CTIF: variants seen among roughly 807,000 people sequenced by gnomAD.
CTIF encodes CBP80/20-dependent translation initiation factor.
A neutral mutation model predicts 66.0 loss-of-function variants in CTIF; 21 were observed. That is an observed-to-expected ratio of 0.32 (90% CI 0.23 to 0.46). CTIF has a LOEUF of 0.46. CTIF is among the 20% of genes least tolerant of loss of function. CTIF has a pLI of 1.00. For missense variants in CTIF, 739 were observed against 812.7 expected, an observed-to-expected ratio of 0.91 and a Z score of 1.10; for synonymous variants, 345 against 326.4, an observed-to-expected ratio of 1.06 and a Z score of -0.62.
chr18:48,616,325 G>A (rs1214726998), intron 1 of CTIF, among the ~76,000 whole-genome samples: 1 of 152,210 alleles, frequency 6.6e-6, no homozygotes, highest in East Asian at 1.9e-4. Context: ...AGCTTCCCGG[G>A]GCCAGGCACG....
intron 2 of CTIF, among the ~76,000 whole-genome samples, chr18:48,635,830 G>A (rs2090811683): frequency 6.6e-6 from 1 of 152,176 alleles, no homozygotes; most frequent in Non-Finnish European, 1.5e-5. Flanking sequence ...CAGCCTCCCA[G>A]CCAGTCACCC....
At chr18:48,617,573 GGA>G (rs2090421566) in intron 1 of CTIF, among the ~76,000 whole-genome samples, 1 of 152,164 alleles carries the variant, frequency 6.6e-6, no homozygotes, top group South Asian at 2.1e-4. Context: ...CTGTGGAGCA[GGA>G]GGAGTAAGGT....
chr18:48,598,730 G>T (rs1455048696), intron 1 of CTIF, among the ~76,000 whole-genome samples: 1 of 152,202 alleles, frequency 6.6e-6, no homozygotes, highest in African/African-American at 2.4e-5. Context: ...GGGCAAGAAT[G>T]AGCATGATAG....
At chr18:48,551,085 G>A (rs990935360) in intron 1 of CTIF, among the ~76,000 whole-genome samples, 1 of 150,278 alleles carries the variant, frequency 6.7e-6, no homozygotes, top group East Asian at 1.9e-4. Flanking sequence ...CTTTAAAGAG[G>A]TAATTAAGGT....
intron 1 of CTIF, among the ~76,000 whole-genome samples, chr18:48,617,986 G>T (rs888478168): frequency 2.0e-5 from 3 of 152,230 alleles, no homozygotes; most frequent in African/African-American, 7.2e-5. Flanking sequence ...GGAAAGCAGA[G>T]GAAGATGTGT....
intron 9 of CTIF, among the ~76,000 whole-genome samples, chr18:48,772,536 T>C (rs1430219984): frequency 8.2e-6 from 1 of 122,162 alleles, no homozygotes; most frequent in Admixed American, 8.6e-5. Flanking sequence ...CTCCCCTCCA[T>C]CTTCCATCTC....
chr18:48,821,049 A>G (rs2068473469), intron 10 of CTIF, among the ~76,000 whole-genome samples: 1 of 152,042 alleles, frequency 6.6e-6, no homozygotes, highest in South Asian at 2.1e-4. Flanking sequence ...CAAATTAACC[A>G]TTCTTTAAGT....
intron 6 of CTIF, among the ~76,000 whole-genome samples, chr18:48,705,457 A>T (rs2092139769): frequency 6.6e-6 from 1 of 152,216 alleles, no homozygotes; most frequent in Admixed American, 6.5e-5. Flanking sequence ...GACTTACTTC[A>T]TCATAACTTG....
At position 48,730,863 on chromosome 18, in the gene CTIF, C is replaced by A. The variant is rs541578722; in HGVS notation, c.584+19168C>A. On this transcript the variant is annotated intron_variant, in intron 7 of 11. Transcript: ENST00000256413. ...TGAGGGACCCCCGCAGCATGAGGGG[C>A]CTCCCGCAGTGTGAGGGGCTTCCAC... Among the ~76,000 whole-genome samples the A allele has an allele frequency of 7.4e-4, 105 of 141,536 alleles. 1 individual carries two copies. The highest frequency in any genetic ancestry group is 2.7e-3 in the African/African-American group (102 of 37,398). 92.9% of individuals were successfully genotyped at this position (141,536 alleles called of 152,430 possible).
chr18:48,843,134 C>G (rs572453411), intron 10 of CTIF, among the ~76,000 whole-genome samples: 1 of 151,758 alleles, frequency 6.6e-6, no homozygotes, highest in East Asian at 1.9e-4. Context: ...CCAAACTATC[C>G]CCTGTCTCAA....
chr18:48,606,744 A>G (rs1335018739), intron 1 of CTIF, among the ~76,000 whole-genome samples: 1 of 152,166 alleles, frequency 6.6e-6, no homozygotes, highest in African/African-American at 2.4e-5. Context: ...CAGAGTATCC[A>G]TGTCTTGGAG....
chr18:48,795,751 G>T (rs1207370707), intron 9 of CTIF, among the ~76,000 whole-genome samples: 1 of 152,128 alleles, frequency 6.6e-6, no homozygotes, highest in Non-Finnish European at 1.5e-5. Flanking sequence ...ATTCTGTGTT[G>T]GGAAGAATTT....
chr18:48,592,241 TAC>T, intron 1 of CTIF, among the ~76,000 whole-genome samples: 1 of 62,700 alleles, frequency 1.6e-5, no homozygotes, highest in Middle Eastern at 7.0e-3. Context: ...GGCTCACACC[TAC>T]CTGTAATCCC....
intron 9 of CTIF, among the ~76,000 whole-genome samples, chr18:48,798,836 T>A (rs1267414435): frequency 6.6e-6 from 1 of 152,180 alleles, no homozygotes; most frequent in African/African-American, 2.4e-5. Flanking sequence ...ATCTGGAGCT[T>A]TCACAACTGG....
In CTIF at chr18:48,733,264, G is replaced by C. The variant is rs186134955; in HGVS notation, c.584+21569G>C. ...AGGGAAGTGGGAAACTGTGTGGGAG[G>C]GGGTGGGTGCTCAGAGTGGAAGTGA... On this transcript the variant is annotated intron_variant, in intron 7 of 11. Transcript: ENST00000256413. Among the ~76,000 whole-genome samples, 138 of 152,254 alleles carry C rather than the reference G, an allele frequency of 9.1e-4. No homozygotes were observed. The East Asian group carries it at 0.01, about 11-fold the overall frequency.
intron 6 of CTIF, among the ~76,000 whole-genome samples, chr18:48,708,998 C>A (rs2092193537): frequency 6.6e-6 from 1 of 152,092 alleles, no homozygotes. Flanking sequence ...ATGATGATGG[C>A]ATCGATGACA....
chr18:48,630,826 C>A (rs1170144374), intron 2 of CTIF, among the ~76,000 whole-genome samples: 4 of 152,098 alleles, frequency 2.6e-5, no homozygotes, highest in Admixed American at 6.6e-5. Context: ...CAGGTGCCTG[C>A]AACCACGCCT....
intron 1 of CTIF, among the ~76,000 whole-genome samples, chr18:48,573,810 G>T (rs371295126): frequency 2.6e-5 from 4 of 152,202 alleles, no homozygotes; most frequent in South Asian, 2.1e-4. Flanking sequence ...ACTGTGCGGG[G>T]ACGGGAAGGC....
chr18:48,701,335 G>A (rs146685594), intron 6 of CTIF, among the ~76,000 whole-genome samples: 1 of 152,226 alleles, frequency 6.6e-6, no homozygotes, highest in Admixed American at 6.5e-5. Context: ...CATTATCCAG[G>A]GAATGGAGCA....
Sources: allele counts gnomAD v4.1 joint callset (sites outside exome capture counted in the v4.1 genomes callset), GRCh38; gene constraint gnomAD v4.1.1; transcripts MANE v1.5; gene names NCBI Gene and HGNC (gene_info 2026-07-23, HGNC 2026-07-21).